The following DCDC1 variants were observed in gnomAD, a reference collection of about 807,000 sequenced individuals.
DCDC1 encodes doublecortin domain-containing protein 1.
Under a neutral mutation model 178.3 loss-of-function variants are expected in DCDC1, and 200 were observed. That is an observed-to-expected ratio of 1.12 (90% confidence interval 1.00 to 1.26). The LOEUF is 1.26. DCDC1 is among the 50% of genes most tolerant of loss of function. The probability of loss-of-function intolerance (pLI) is 0.00; values close to 1 mark genes in which losing one functional copy is unlikely to be tolerated. For missense variants in DCDC1, 1,983 were observed against 1,749.2 expected (o/e 1.13, Z -2.38); for synonymous variants, 690 against 604.8 (o/e 1.14, Z -2.07).
At chr11:30,979,812 T>A (rs1398893629) in intron 20 of DCDC1, among the ~76,000 whole-genome samples, 2 of 152,178 alleles carry the variant, frequency 1.3e-5, no homozygotes, top group African/African-American at 4.8e-5. Flanking sequence ...ATAAAAGAAG[T>A]CACCCAATAA....
chr11:31,238,784 G>A lies in DCDC1; in HGVS notation c.1221+2666C>T, dbSNP rs148403434. Reference sequence around the variant, plus strand: ...TGCTTCCACTTTTAAGGAAATAAATGTGATAAATGTATGTCTAAGTGACTT... The same window carrying A: ...TGCTTCCACTTTTAAGGAAATAAATATGATAAATGTATGTCTAAGTGACTT... On this transcript the variant is annotated intron_variant, in intron 9 of 38. Transcript: ENST00000684477. Among the ~76,000 whole-genome samples, 830 of 152,184 alleles carry A rather than the reference G, an allele frequency of 5.5e-3. 11 individuals carry two copies. The highest frequency in any genetic ancestry group is 0.019 in the African/African-American group (796 of 41,530).
intron 9 of DCDC1, chr11:31,155,861 A>G (rs796470348): frequency 3.3e-5 from 5 of 152,318 alleles, no homozygotes; most frequent in African/African-American, 1.2e-4. Context: ...AATATATCTC[A>G]TACAGTATCT....
chr11:31,313,254 C>A (rs182387761), intron 3 of DCDC1, among the ~76,000 whole-genome samples: 2 of 152,168 alleles, frequency 1.3e-5, no homozygotes, highest in African/African-American at 4.8e-5. Context: ...TTTATTTTTA[C>A]TGGTTATGCT....
At chr11:31,208,538 A>G (rs1972127419) in intron 9 of DCDC1, among the ~76,000 whole-genome samples, 1 of 152,190 alleles carries the variant, frequency 6.6e-6, no homozygotes. Flanking sequence ...CATACGAGTC[A>G]GCATTATCTT....
chr11:31,308,922 AC>A (rs965702402), intron 3 of DCDC1, among the ~76,000 whole-genome samples: 5 of 151,552 alleles, frequency 3.3e-5, no homozygotes, highest in East Asian at 1.9e-4. Flanking sequence ...GCATAATATA[AC>A]CCCCCCAAAC....
intron 11 of DCDC1, among the ~76,000 whole-genome samples, chr11:31,118,482 A>C (rs749399163): frequency 3.0e-4 from 46 of 152,184 alleles, no homozygotes; most frequent in Non-Finnish European, 2.8e-4. Context: ...TGAAGAATTT[A>C]TGCTCGATAA....
intron 22 of DCDC1, among the ~76,000 whole-genome samples, chr11:30,929,209 T>C (rs1020478257): frequency 1.3e-5 from 2 of 152,102 alleles, no homozygotes; most frequent in East Asian, 1.9e-4. Flanking sequence ...ACCTTAATAC[T>C]TGATTCATCA....
intron 17 of DCDC1, among the ~76,000 whole-genome samples, chr11:31,080,375 T>A (rs1319732479): frequency 6.6e-6 from 1 of 152,154 alleles, no homozygotes; most frequent in African/African-American, 2.4e-5. Context: ...TGACTTAAGC[T>A]CAACATCTCA....
chr11:31,306,517 A>C (rs1180516065), intron 4 of DCDC1, 129 bp from the exon 5 acceptor site: 1 of 925,154 alleles, frequency 1.1e-6, no homozygotes, highest in East Asian at 3.2e-5. Context: ...AAGTATACCT[A>C]ACAAAACTTT....
rs537023626 is a variant in DCDC1 at position 31,166,224 on chromosome 11, T to G, written c.1222-28440A>C. 1.1e-4 allele frequency among the ~76,000 whole-genome samples: 17 copies of G among 152,302 alleles called. 1 individual carries two copies. The highest frequency in any genetic ancestry group is 1.9e-4 in the East Asian group (1 of 5,190). On this transcript the variant is annotated intron_variant, in intron 9 of 38. Transcript: ENST00000684477. ...AGCAATTCAACTTTGAAGCAAAAAT[T>G]TTCATTATTTCTCTCTCAAGTTTCT... is the stretch of plus-strand genomic sequence containing the variant.
At chr11:31,160,102 G>C (rs958643972) in intron 9 of DCDC1, among the ~76,000 whole-genome samples, 1 of 152,008 alleles carries the variant, frequency 6.6e-6, no homozygotes, top group African/African-American at 2.4e-5. Flanking sequence ...TTAGTCATTT[G>C]AGGCTTTCCT....
At chr11:31,214,098 C>T (rs1353160294) in intron 9 of DCDC1, among the ~76,000 whole-genome samples, 1 of 146,086 alleles carries the variant, frequency 6.8e-6, no homozygotes, top group Non-Finnish European at 1.5e-5. Context: ...TGGATAAAAA[C>T]ATTAATTCAT....
chr11:30,892,962 T>C lies in DCDC1; in HGVS notation c.4938A>G (p.Lys1646=). The change falls in exon 36 of 39, where the codon AAA becomes AAG. Residue 1646 remains lysine (K), a synonymous_variant. Coordinates refer to ENST00000684477, the MANE Select transcript of DCDC1 (RefSeq NM_001387274.1). The part of the protein sequence containing the change: ...HLSEIQEMES[K]INFPIATKRI... ...GTTTGGTTGCAATTGGAAAATTTATTTTGGATTCCATTTCTTGGATTTCAG... is the reference window on the plus strand; with the variant it reads ...GTTTGGTTGCAATTGGAAAATTTATCTTGGATTCCATTTCTTGGATTTCAG... 6.2e-7 allele frequency: 1 copy of C among 1,613,908 alleles called. No individual in the cohort carries two copies. The highest frequency in any genetic ancestry group is 8.5e-7 in the Non-Finnish European group (1 of 1,179,812).
At chr11:31,186,591 G>T (rs562710471) in intron 9 of DCDC1, among the ~76,000 whole-genome samples, 1 of 152,082 alleles carries the variant, frequency 6.6e-6, no homozygotes, top group Non-Finnish European at 1.5e-5. Flanking sequence ...CACCACTGCC[G>T]CCCTCAGAGG....
intron 16 of DCDC1, 61 bp from the exon 17 acceptor site, chr11:31,091,572 AC>A: frequency 2.9e-6 from 2 of 694,176 alleles, no homozygotes; most frequent in Non-Finnish European, 5.3e-6. Flanking sequence ...AGAAAATTCA[AC>A]AATGTGTCAC....
rs1386534594 is a variant in DCDC1 at position 30,915,535 on chromosome 11, C to T, written c.3629G>A (p.Arg1210His). 1.1e-5 allele frequency: 18 copies of T among 1,613,586 alleles called. No homozygotes were observed. Among genetic ancestry groups the T allele is most frequent in the Non-Finnish European group, 1.4e-5 (17 of 1,179,676 alleles). The change falls in exon 27 of 39, where the codon CGC becomes CAC. Residue 1210 changes from arginine to histidine, a missense_variant. Arg to His is a conservative substitution (Grantham distance 29). Coordinates refer to ENST00000684477, the MANE Select transcript of DCDC1 (RefSeq NM_001387274.1). ...VEKKSDGSHQRWIHQEDSRTF... is the reference protein window; with the variant it reads ...VEKKSDGSHQHWIHQEDSRTF... ...CCTGCTGTCTTCCTGGTGTATCCAG[C>T]GCTGATGACTACCATCAGATTTCTT...
At chr11:30,878,494 T>C in intron 38 of DCDC1, 50 bp downstream of exon 38, 5 of 1,380,824 alleles carry the variant, frequency 3.6e-6, no homozygotes, top group Non-Finnish European at 4.8e-6. Context: ...ATAAAAGAGA[T>C]AAATAATCAT....
rs999428243 is a variant in DCDC1, at chr11:30,868,903, C to T, written c.*41-3571G>A. Among the ~76,000 whole-genome samples the T allele has an allele frequency of 5.3e-5, 8 of 152,316 alleles. 2 individuals are homozygous for T. Among genetic ancestry groups the T allele is most frequent in the Admixed American group, 5.2e-4 (8 of 15,290 alleles). ...ATTTATGGAATGAGAATTCTGGGTG[C>T]TCTGTGGGACTAATTTAATACGAAA... On this transcript the variant is annotated intron_variant, in intron 38 of 38. Transcript: ENST00000684477.
intron 38 of DCDC1, among the ~76,000 whole-genome samples, chr11:30,866,294 G>T (rs1343036884): frequency 6.6e-6 from 1 of 152,104 alleles, no homozygotes; most frequent in Non-Finnish European, 1.5e-5. Context: ...TCACTGTTCT[G>T]GAGGCTGGGA....
Sources: gnomAD v4.1 joint callset for allele counts (sites outside exome capture counted in the v4.1 genomes callset) on GRCh38, gnomAD v4.1.1 for gene constraint, MANE v1.5 for transcripts, NCBI Gene and HGNC (gene_info 2026-07-23, HGNC 2026-07-21) for gene names.